POU2F1: variants seen among roughly 807,000 people sequenced by gnomAD.
POU2F1 encodes POU domain, class 2, transcription factor 1.
In POU2F1, 16 loss-of-function variants were observed where a neutral mutation model predicts 84.9. The ratio of observed to expected loss-of-function variants is 0.19; its 90% CI spans 0.13 to 0.29. The LOEUF (loss-of-function observed/expected upper bound fraction) is 0.29. Among genes scored for constraint, POU2F1 ranks in the 10% least tolerant of loss-of-function variants. The pLI is 1.00. For missense variants in POU2F1, 738 were observed against 942.6 expected, an observed-to-expected ratio of 0.78 and a Z score of 2.84; for synonymous variants, 368 against 368.3, an observed-to-expected ratio of 1.00 and a Z score of 0.01.
At chr1:167,320,631 A>G (rs1251754069) in intron 1 of POU2F1, among the ~76,000 whole-genome samples, 2 of 152,238 alleles carry the variant, frequency 1.3e-5, no homozygotes, top group Non-Finnish European at 1.5e-5. Context: ...TTTGATCCAA[A>G]TAAGCAGTCA....
intron 2 of POU2F1, among the ~76,000 whole-genome samples, chr1:167,341,914 C>T (rs1341579679): frequency 1.3e-5 from 2 of 152,086 alleles, no homozygotes; most frequent in Admixed American, 6.5e-5. Flanking sequence ...TGATCTTCCC[C>T]TAGAGTTTGG....
intron 15 of POU2F1, 63 bp downstream of exon 15, chr1:167,413,177 G>T (rs1650085580): frequency 6.7e-6 from 9 of 1,352,938 alleles, no homozygotes; most frequent in Non-Finnish European, 8.4e-6. Flanking sequence ...GTGTGTGTGT[G>T]TGTGTGTGTG....
intron 1 of POU2F1, among the ~76,000 whole-genome samples, chr1:167,298,417 T>TTTTTA (rs1342853861): frequency 3.3e-5 from 5 of 152,122 alleles, no homozygotes; most frequent in African/African-American, 1.2e-4. Context: ...TTTAAGATAA[T>TTTTTA]AGCAAGCAGA....
intron 1 of POU2F1, 113 bp downstream of exon 1, chr1:167,221,071 C>G: frequency 1.0e-6 from 1 of 957,488 alleles, no homozygotes; most frequent in Non-Finnish European, 1.5e-6. Flanking sequence ...TAATTAACGG[C>G]GGGGAGATGG....
At chr1:167,394,743 T>C (rs1648680819) in intron 9 of POU2F1, among the ~76,000 whole-genome samples, 1 of 152,220 alleles carries the variant, frequency 6.6e-6, no homozygotes, top group South Asian at 2.1e-4. Flanking sequence ...GTATTCTGGG[T>C]GCCTCATTTT....
chr1:167,259,973 G>A (rs1333127733), intron 1 of POU2F1, among the ~76,000 whole-genome samples: 1 of 151,944 alleles, frequency 6.6e-6, no homozygotes, highest in African/African-American at 2.4e-5. Context: ...TCGCCTTCTG[G>A]GTTCACGCGA....
intron 1 of POU2F1, among the ~76,000 whole-genome samples, chr1:167,248,509 C>T (rs1403499768): frequency 6.6e-6 from 1 of 151,844 alleles, no homozygotes; most frequent in African/African-American, 2.4e-5. Flanking sequence ...ATTATAATAC[C>T]CTGTGATAAA....
intron 1 of POU2F1, among the ~76,000 whole-genome samples, chr1:167,330,045 C>G (rs968996854): frequency 1.3e-5 from 2 of 152,200 alleles, no homozygotes; most frequent in African/African-American, 4.8e-5. Context: ...TCAAATAAAT[C>G]AAGGCACTTT....
Position 167,338,350 on chromosome 1 carries a change from A to G in POU2F1, c.127+5815A>G, listed in dbSNP as rs900575729. The G allele has an allele frequency of 6.5e-5, 26 of 398,590 alleles. 1 individual carries two copies. The East Asian group carries it at 1.7e-3, about 26-fold the overall frequency. The allele number at this position is 398,590 out of a possible 1,614,324, so 24.7% of individuals were successfully genotyped here. On this transcript the variant is annotated intron_variant, in intron 2 of 15. Transcript: ENST00000367866. ...TACATATACAAATATGTTTTAGTCA[A>G]CTGTTTATGTTATCAGCAATGCTTC...
At chr1:167,373,146 G>C (rs1356529749) in intron 5 of POU2F1, among the ~76,000 whole-genome samples, 1 of 152,110 alleles carries the variant, frequency 6.6e-6, no homozygotes, top group Non-Finnish European at 1.5e-5. Flanking sequence ...TGAGCCTTAT[G>C]TTTCTAATGC....
intron 14 of POU2F1, among the ~76,000 whole-genome samples, chr1:167,412,816 C>T (rs1156539518): frequency 1.3e-5 from 2 of 152,194 alleles, no homozygotes; most frequent in African/African-American, 4.8e-5. Context: ...AAAAGTTTTA[C>T]ATTTTGTGCT....
chr1:167,421,390 C>T lies in POU2F1; in HGVS notation c.*5580C>T, dbSNP rs748088924. On this transcript the variant is annotated 3_prime_UTR_variant, in exon 16 of 16. Transcript: ENST00000367866. Reference sequence around the variant, plus strand: ...TATAAATAGGACACCCCTGAGATTTCCAGTAAGGTATTTGAAAGGATTCCA... The same window carrying T: ...TATAAATAGGACACCCCTGAGATTTTCAGTAAGGTATTTGAAAGGATTCCA... 6.6e-6 allele frequency: 1 copy of T among 152,140 alleles called. No individual in the cohort carries two copies. The highest frequency in any genetic ancestry group is 2.4e-5 in the African/African-American group (1 of 41,430). 9.4% of individuals were successfully genotyped at this position (152,140 alleles called of 1,614,324 possible).
chr1:167,273,000 C>T (rs1306469240), intron 1 of POU2F1, among the ~76,000 whole-genome samples: 3 of 152,180 alleles, frequency 2.0e-5, no homozygotes, highest in Non-Finnish European at 4.4e-5. Context: ...GATAACAACA[C>T]GGGTACAGGC....
At chr1:167,406,534 G>A (rs1454365889) in intron 13 of POU2F1, among the ~76,000 whole-genome samples, 1 of 151,726 alleles carries the variant, frequency 6.6e-6, no homozygotes, top group Non-Finnish European at 1.5e-5. Flanking sequence ...CAGTAAGGGG[G>A]AGAAAAAAAA....
At chr1:167,344,106 A>G (rs1284855111) in intron 2 of POU2F1, among the ~76,000 whole-genome samples, 1 of 152,210 alleles carries the variant, frequency 6.6e-6, no homozygotes, top group East Asian at 1.9e-4. Context: ...TTAAAAATTC[A>G]ATTCCTCAAT....
rs1650792026 is a variant in POU2F1 at position 167,423,852 on chromosome 1, A to G, written c.*8042A>G. ...CAGTGGCATTGAGTTCTCAAACATTATATCCCAAAGTCTGCAGGCAGACAG... is the reference window on the plus strand; with the variant it reads ...CAGTGGCATTGAGTTCTCAAACATTGTATCCCAAAGTCTGCAGGCAGACAG... On this transcript the variant is annotated 3_prime_UTR_variant, in exon 16 of 16. Coordinates refer to ENST00000367866, the MANE Select transcript of POU2F1 (RefSeq NM_002697.4). The G allele has an allele frequency of 6.6e-6, 1 of 152,252 alleles. No individual in the cohort carries two copies. The highest frequency in any genetic ancestry group is 1.5e-5 in the Non-Finnish European group (1 of 68,040). 9.4% of individuals were successfully genotyped at this position (152,252 alleles called of 1,614,324 possible). A position where few individuals can be genotyped will look rare whatever the true frequency, so the allele number is the denominator to read the frequency against.
At chr1:167,292,613 C>A (rs2102538184) in intron 1 of POU2F1, among the ~76,000 whole-genome samples, 1 of 151,640 alleles carries the variant, frequency 6.6e-6, no homozygotes, top group African/African-American at 2.4e-5. Context: ...CTCCCTAAAT[C>A]ATTCTATGAA....
chr1:167,374,114 T>C lies in POU2F1; in HGVS notation c.409T>C (p.Leu137=), dbSNP rs765710613. The C allele has an allele frequency of 1.9e-6, 3 of 1,614,000 alleles. No homozygotes were observed. In the African/African-American group the frequency reaches 4.0e-5, roughly 22 times the overall value. ...GTGTTCTGGTTTTGTTTAGCTTACT[T>C]TGACGCCTGCCCAGCAACAGTTACT... ...LAGGQITGLT[L]TPAQQQLLLQ... is the part of the protein sequence containing the mutation. The change falls in exon 6 of 16, where the codon TTG becomes CTG. Residue 137 remains leucine (L), a synonymous_variant. Coordinates refer to ENST00000367866, the MANE Select transcript of POU2F1 (RefSeq NM_002697.4).
In POU2F1 at chr1:167,370,222, G is replaced by A. The variant is rs1557933719; in HGVS notation, c.282+8G>A. 2 of 1,589,274 alleles carry A rather than the reference G, an allele frequency of 1.3e-6. No homozygotes were observed. The highest frequency in any genetic ancestry group is 2.2e-5 in the East Asian group (1 of 44,616). The stretch of plus-strand genomic sequence containing the variant: ...CAGTCTTTAAATGTACAGGTAAGCT[G>A]GGACCTGGGATTATGGGTCAATCTT... On this transcript the variant is annotated splice_region_variant and intron_variant, in intron 4 of 15. Coordinates refer to ENST00000367866, the MANE Select transcript of POU2F1 (RefSeq NM_002697.4).
Sources: gnomAD v4.1 joint callset for allele counts (sites outside exome capture counted in the v4.1 genomes callset) on GRCh38, gnomAD v4.1.1 for gene constraint, MANE v1.5 for transcripts, NCBI Gene and HGNC (gene_info 2026-07-23, HGNC 2026-07-21) for gene names.